UNC13C: variants seen among roughly 807,000 people sequenced by gnomAD.
UNC13C encodes the protein protein unc-13 homolog C.
In UNC13C, 174 loss-of-function variants were observed where a neutral mutation model predicts 245.4. The ratio of observed to expected loss-of-function variants is 0.71; its 90% confidence interval spans 0.63 to 0.80. The LOEUF is 0.80. UNC13C is among the 30% of genes least tolerant of loss of function. UNC13C has a pLI of 0.00. For missense variants in UNC13C, 2,829 were observed against 2,602.9 expected, an observed-to-expected ratio of 1.09 and a Z score of -1.89; for synonymous variants, 992 against 895.1, an observed-to-expected ratio of 1.11 and a Z score of -1.93.
At chr15:54,117,523 TTCTCTCTCTCTCTCTCTCTCTC>T (rs56332846) in intron 2 of UNC13C, among the ~76,000 whole-genome samples, 49 of 102,110 alleles carry the variant, frequency 4.8e-4, no homozygotes, top group African/African-American at 1.9e-3. Context: ...ACTATTATGT[TTCTCTCTCTCTCTCTCTCTCTC>T]TCTCTCTCTC....
At chr15:54,073,532 C>G (rs1898435761) in intron 2 of UNC13C, among the ~76,000 whole-genome samples, 1 of 152,198 alleles carries the variant, frequency 6.6e-6, no homozygotes, top group Admixed American at 6.5e-5. Flanking sequence ...TCCACATCCT[C>G]TCCAGCATCT....
intron 29 of UNC13C, among the ~76,000 whole-genome samples, chr15:54,565,497 A>T (rs1333597382): frequency 6.6e-6 from 1 of 152,016 alleles, no homozygotes; most frequent in Non-Finnish European, 1.5e-5. Context: ...ACTACTTTAT[A>T]TACACTGTTA....
intron 24 of UNC13C, among the ~76,000 whole-genome samples, chr15:54,523,495 G>A (rs562207677): frequency 1.1e-4 from 16 of 152,206 alleles, no homozygotes; most frequent in African/African-American, 3.9e-4. Flanking sequence ...TGTTCAAATC[G>A]CTGTAGTCTG....
chr15:54,032,053 G>A (rs1257543087), intron 2 of UNC13C, among the ~76,000 whole-genome samples: 11 of 152,052 alleles, frequency 7.2e-5, no homozygotes, highest in Non-Finnish European at 1.5e-4. Context: ...TATGGCAAAG[G>A]CATGAGTCTA....
chr15:54,550,918 C>T (rs1268131228), intron 28 of UNC13C, among the ~76,000 whole-genome samples: 1 of 152,160 alleles, frequency 6.6e-6, no homozygotes, highest in Non-Finnish European at 1.5e-5. Context: ...AAAGAAATGG[C>T]CCTGGCCATG....
At chr15:54,383,127 A>G (rs907054398) in intron 17 of UNC13C, among the ~76,000 whole-genome samples, 1 of 152,188 alleles carries the variant, frequency 6.6e-6, no homozygotes, top group Non-Finnish European at 1.5e-5. Flanking sequence ...ATAAAGAAGA[A>G]TGAATACCAC....
rs1485918848 is a variant in UNC13C, at chr15:54,221,827, T to G, written c.3072-13203T>G. On this transcript the variant is annotated intron_variant, in intron 4 of 32. Coordinates refer to ENST00000260323, the MANE Select transcript of UNC13C (RefSeq NM_001080534.3). ...CTGATTTGTAATAGAAAATAGCCAG[T>G]CTGTGAATATTAGCTAAATAACTAT... Among the ~76,000 whole-genome samples, 4 of 152,096 alleles carry G rather than the reference T, an allele frequency of 2.6e-5. No homozygotes were observed. The South Asian group carries it at 8.3e-4, about 32-fold the overall frequency.
At chr15:54,344,584 T>C (rs1185172450) in intron 17 of UNC13C, among the ~76,000 whole-genome samples, 1 of 152,200 alleles carries the variant, frequency 6.6e-6, no homozygotes, top group Non-Finnish European at 1.5e-5. Flanking sequence ...GAAGCATCCA[T>C]TGGAGCTGAA....
At chr15:54,463,609 C>A (rs1892002057) in intron 19 of UNC13C, among the ~76,000 whole-genome samples, 1 of 152,046 alleles carries the variant, frequency 6.6e-6, no homozygotes, top group Non-Finnish European at 1.5e-5. Flanking sequence ...GCCAGCCAGA[C>A]CACGAACCCA....
chr15:54,195,824 G>T (rs1276183180), intron 4 of UNC13C, among the ~76,000 whole-genome samples: 1 of 152,044 alleles, frequency 6.6e-6, no homozygotes, highest in Non-Finnish European at 1.5e-5. Context: ...ATTGCAGTTG[G>T]TTAAAATTGT....
intron 2 of UNC13C, among the ~76,000 whole-genome samples, chr15:54,063,047 A>G (rs1023130606): frequency 6.6e-6 from 1 of 152,230 alleles, no homozygotes; most frequent in African/African-American, 2.4e-5. Context: ...GAATAGATGA[A>G]GAGAAAACCT....
intron 13 of UNC13C, among the ~76,000 whole-genome samples, chr15:54,307,193 T>G (rs943318521): frequency 1.3e-5 from 2 of 151,964 alleles, no homozygotes. Flanking sequence ...CAACAGAAAT[T>G]TATTTCTCAC....
chr15:54,249,521 C>T (rs1432077086), intron 7 of UNC13C, among the ~76,000 whole-genome samples: 2 of 152,126 alleles, frequency 1.3e-5, no homozygotes, highest in Non-Finnish European at 2.9e-5. Context: ...GAAGACAGTT[C>T]CTGCTTATAG....
intron 2 of UNC13C, among the ~76,000 whole-genome samples, chr15:54,033,173 A>G (rs1005730124): frequency 9.2e-5 from 14 of 152,326 alleles, no homozygotes; most frequent in African/African-American, 3.4e-4. Context: ...ATAATGGCAT[A>G]GATGTAATTA....
At chr15:54,446,025 C>G (rs531944712) in intron 19 of UNC13C, among the ~76,000 whole-genome samples, 53 of 152,254 alleles carry the variant, frequency 3.5e-4, no homozygotes, top group African/African-American at 1.2e-3. Context: ...AGCCAGTTTT[C>G]CCAGCACCGT....
intron 4 of UNC13C, among the ~76,000 whole-genome samples, chr15:54,187,136 A>C (rs1443524838): frequency 1.3e-5 from 2 of 152,102 alleles, no homozygotes; most frequent in Non-Finnish European, 2.9e-5. Flanking sequence ...GTATGAGCTC[A>C]CACGTATGCA....
At chr15:54,072,936 G>T (rs1038199558) in intron 2 of UNC13C, among the ~76,000 whole-genome samples, 3 of 151,696 alleles carry the variant, frequency 2.0e-5, no homozygotes, top group Non-Finnish European at 4.4e-5. Flanking sequence ...GAACATGTAG[G>T]TTTGTTACGT....
chr15:54,301,885 A>T (rs1387353411), intron 13 of UNC13C, among the ~76,000 whole-genome samples: 1 of 152,164 alleles, frequency 6.6e-6, no homozygotes, highest in East Asian at 1.9e-4. Flanking sequence ...CAATGGTTGA[A>T]CTAATTTACA....
intron 30 of UNC13C, among the ~76,000 whole-genome samples, chr15:54,576,371 C>T (rs552949560): frequency 1.3e-5 from 2 of 152,236 alleles, no homozygotes; most frequent in South Asian, 4.1e-4. Context: ...GGTGTAGTTC[C>T]TTCTCCGTAC....
Sources: gnomAD v4.1 joint callset for allele counts (sites outside exome capture counted in the v4.1 genomes callset) on GRCh38, gnomAD v4.1.1 for gene constraint, MANE v1.5 for transcripts, NCBI Gene and HGNC (gene_info 2026-07-23, HGNC 2026-07-21) for gene names.